The following RERE variants were observed in gnomAD, a reference collection of about 807,000 sequenced individuals.
The protein encoded by RERE is arginine-glutamic acid dipeptide repeats protein.
In RERE, 40 loss-of-function variants were observed where a neutral mutation model predicts 146.1. The ratio of observed to expected loss-of-function variants is 0.27; its 90% CI spans 0.21 to 0.36. RERE has a LOEUF of 0.36. RERE is among the 10% of genes least tolerant of loss of function. RERE has a pLI of 1.00. For missense variants in RERE, 1,933 were observed against 2,138.7 expected, an observed-to-expected ratio of 0.90 and a Z score of 1.90; for synonymous variants, 1,003 against 866.0, an observed-to-expected ratio of 1.16 and a Z score of -2.78.
chr1:8,652,294 C>T (rs1373585926), intron 2 of RERE, among the ~76,000 whole-genome samples: 1 of 152,216 alleles, frequency 6.6e-6, no homozygotes, highest in African/African-American at 2.4e-5. Flanking sequence ...TCATAATACA[C>T]TTAGCTTTCA....
intron 4 of RERE, among the ~76,000 whole-genome samples, chr1:8,558,849 G>A (rs1179486441): frequency 2.0e-5 from 3 of 147,356 alleles, no homozygotes; most frequent in Non-Finnish European, 4.5e-5. Flanking sequence ...AGGCTGGAGT[G>A]CAGTGGCGTG....
intron 12 of RERE, among the ~76,000 whole-genome samples, chr1:8,415,074 G>A (rs962135957): frequency 3.3e-5 from 5 of 151,868 alleles, no homozygotes; most frequent in Admixed American, 6.6e-5. Flanking sequence ...TTTTAATGTC[G>A]GTTTCCTAAC....
chr1:8,559,862 A>AGGG (rs1207460791), intron 4 of RERE, among the ~76,000 whole-genome samples: 3 of 152,278 alleles, frequency 2.0e-5, no homozygotes, highest in Non-Finnish European at 4.4e-5. Context: ...TTGCTGACCA[A>AGGG]ATACACAGGC....
intron 2 of RERE, among the ~76,000 whole-genome samples, chr1:8,650,550 G>A (rs920925762): frequency 1.1e-4 from 17 of 152,004 alleles, no homozygotes; most frequent in Non-Finnish European, 2.2e-4. Context: ...ATCACCTGAG[G>A]TCAGGAGTTC....
intron 4 of RERE, among the ~76,000 whole-genome samples, chr1:8,562,915 T>C (rs1334706146): frequency 6.6e-6 from 1 of 152,138 alleles, no homozygotes; most frequent in Non-Finnish European, 1.5e-5. Flanking sequence ...GGGAGCAGAA[T>C]AGCAAAGATT....
chr1:8,749,861 T>G (rs938685087), intron 1 of RERE, among the ~76,000 whole-genome samples: 1 of 152,130 alleles, frequency 6.6e-6, no homozygotes, highest in African/African-American at 2.4e-5. Context: ...GTGTAAAGAA[T>G]GAACTACAGG....
At chr1:8,804,660 A>C (rs948869957) in intron 1 of RERE, among the ~76,000 whole-genome samples, 4 of 152,226 alleles carry the variant, frequency 2.6e-5, no homozygotes, top group Non-Finnish European at 5.9e-5. Flanking sequence ...AAGTATCTTC[A>C]CAAGAAGGGA....
In RERE at chr1:8,465,982, G is replaced by A. The variant is rs769822450; in HGVS notation, c.1146C>T (p.Arg382=). ...SGYDAGKALQ[R]LVKKPVPKLI... Reference sequence around the variant, plus strand: ...GCTTGGGCACAGGCTTCTTCACCAGGCGCTGCAGGGCTTTGCCAGCATCGT... The same window carrying A: ...GCTTGGGCACAGGCTTCTTCACCAGACGCTGCAGGGCTTTGCCAGCATCGT... Residue 382 remains arginine (R), a synonymous_variant, in exon 11 of 23, where the codon CGC becomes CGT. Transcript: ENST00000400908. The A allele has an allele frequency of 6.2e-7, 1 of 1,613,754 alleles. No individual in the cohort carries two copies. The highest frequency in any genetic ancestry group is 8.5e-7 in the Non-Finnish European group (1 of 1,179,708).
chr1:8,402,522 C>T (rs1643297397), intron 12 of RERE, among the ~76,000 whole-genome samples: 1 of 152,200 alleles, frequency 6.6e-6, no homozygotes, highest in South Asian at 2.1e-4. Context: ...CAACGGTGGA[C>T]AGCTGGAACA....
At chr1:8,637,465 G>A (rs150500361) in intron 2 of RERE, among the ~76,000 whole-genome samples, 392 of 152,172 alleles carry the variant, frequency 2.6e-3, no homozygotes, top group African/African-American at 8.5e-3. Context: ...AGGGACTACC[G>A]ACAAACAAAT....
At chr1:8,510,100 CGAAGAAGAGGAA>C (rs1243963323) in intron 7 of RERE, among the ~76,000 whole-genome samples, 1 of 151,704 alleles carries the variant, frequency 6.6e-6, no homozygotes, top group Middle Eastern at 3.2e-3. Flanking sequence ...GAGGAGAAGA[CGAAGAAGAGGAA>C]GAAGAAGAAA....
chr1:8,592,844 A>C (rs138179748), intron 4 of RERE, among the ~76,000 whole-genome samples: 1 of 152,222 alleles, frequency 6.6e-6, no homozygotes, highest in East Asian at 1.9e-4. Flanking sequence ...TCAATTCATA[A>C]ATTTAGTTCT....
intron 11 of RERE, among the ~76,000 whole-genome samples, chr1:8,438,493 G>C (rs945189777): frequency 3.9e-5 from 6 of 152,204 alleles, no homozygotes; most frequent in Non-Finnish European, 7.4e-5. Context: ...AGAAGGTATA[G>C]GGATTTCCCA....
At chr1:8,666,231 G>A (rs907235792) in intron 1 of RERE, among the ~76,000 whole-genome samples, 6 of 152,162 alleles carry the variant, frequency 3.9e-5, no homozygotes, top group African/African-American at 7.2e-5. Context: ...TGTTAGTGTC[G>A]GCCAAACAAA....
rs1644969817 is a variant in RERE at position 8,490,741 on chromosome 1, T to TA, written c.1104+4321dup. On this transcript the variant is annotated intron_variant, in intron 10 of 22. Coordinates refer to ENST00000400908, the MANE Select transcript of RERE (RefSeq NM_001042681.2). ...AATGCAAACTACTCCAAAATGATTT[T>TA]AAAAAAATAAAAAAAACATTGAAAA... Among the ~76,000 whole-genome samples, 5 of 150,130 alleles carry TA rather than the reference T, an allele frequency of 3.3e-5. No homozygotes were observed. In the South Asian group the frequency reaches 1.0e-3, roughly 31 times the overall value.
chr1:8,765,324 T>G (rs1222445056), intron 1 of RERE, among the ~76,000 whole-genome samples: 1 of 152,210 alleles, frequency 6.6e-6, no homozygotes, highest in African/African-American at 2.4e-5. Context: ...GATTAAGGGC[T>G]GCTTAGGGCT....
chr1:8,662,201 A>G (rs1279660613), intron 1 of RERE, among the ~76,000 whole-genome samples: 4 of 152,234 alleles, frequency 2.6e-5, no homozygotes, highest in Admixed American at 6.5e-5. Flanking sequence ...CAAAGCTTTC[A>G]GCAGAGCCAA....
intron 1 of RERE, among the ~76,000 whole-genome samples, chr1:8,700,612 C>G (rs1037942413): frequency 4.6e-5 from 7 of 152,154 alleles, no homozygotes; most frequent in Non-Finnish European, 1.0e-4. Flanking sequence ...ATGGGTTGCT[C>G]AAGTCCTTTT....
chr1:8,769,011 A>T (rs1243129594), intron 1 of RERE, among the ~76,000 whole-genome samples: 1 of 152,226 alleles, frequency 6.6e-6, no homozygotes, highest in Non-Finnish European at 1.5e-5. Flanking sequence ...AATAAATTTT[A>T]TAGGAACACA....
Sources: gnomAD v4.1 joint callset for allele counts (sites outside exome capture counted in the v4.1 genomes callset) on GRCh38, gnomAD v4.1.1 for gene constraint, MANE v1.5 for transcripts, NCBI Gene and HGNC (gene_info 2026-07-23, HGNC 2026-07-21) for gene names.